MCFD2: variants seen among roughly 807,000 people sequenced by gnomAD.
MCFD2 encodes multiple coagulation factor deficiency 2, ER cargo receptor complex subunit.
MCFD2 carries 11 observed loss-of-function variants against 12.8 expected under a neutral mutation model. That is an observed-to-expected ratio of 0.86 (90% CI 0.54 to 1.42). MCFD2 has a LOEUF of 1.42. MCFD2 is among the 40% of genes most tolerant of loss of function. MCFD2 has a pLI of 0.00. For missense variants in MCFD2, 191 were observed against 178.6 expected (o/e 1.07, Z -0.40); for synonymous variants, 70 against 68.1 (o/e 1.03, Z -0.14).
At chr2:46,926,458 G>T (rs570677261) in intron 1 of MCFD2, among the ~76,000 whole-genome samples, 84 of 152,282 alleles carry the variant, frequency 5.5e-4, no homozygotes, top group African/African-American at 1.9e-3. Context: ...TTAAGCCTAT[G>T]GTGAGGATAG....
rs774183668 is a variant in MCFD2 at position 46,905,546 on chromosome 2, T to G, written c.358A>C (p.Ile120Leu). 3 of 1,613,384 alleles carry G rather than the reference T, an allele frequency of 1.9e-6. No homozygotes were observed. Among genetic ancestry groups the G allele is most frequent in the African/African-American group, 2.7e-5 (2 of 74,904 alleles). ...TCATCTCTCAAAACACCATCTATTATGTTAATCAGTTCATCTTCACTCATT... is the reference window on the plus strand; with the variant it reads ...TCATCTCTCAAAACACCATCTATTAGGTTAATCAGTTCATCTTCACTCATT... ...PLMSEDELIN[I>L]IDGVLRDDDK... is the part of the protein sequence containing the mutation. The change falls in exon 4 of 4, where the codon ATA becomes CTA. Residue 120 changes from isoleucine to leucine, a missense_variant. Coordinates refer to ENST00000319466, the MANE Select transcript of MCFD2 (RefSeq NM_139279.6).
In MCFD2 at chr2:46,940,216, T is replaced by C. The variant is rs1180646662; in HGVS notation, c.-8+1356A>G. 6.6e-6 allele frequency among the ~76,000 whole-genome samples: 1 copy of C among 152,126 alleles called. No homozygotes were observed. Among genetic ancestry groups the C allele is most frequent in the Non-Finnish European group, 1.5e-5 (1 of 68,008 alleles). ...AAACACTTAGGGCAGTGGTGAAGAC[T>C]CCAGAGGGAGGACGTGGAGCACCTT... On this transcript the variant is annotated intron_variant, in intron 1 of 2. Transcript: ENST00000409147. The surrounding 1 kb of genome is among the most constrained non-coding windows in gnomAD (Gnocchi z 4.7).
At chr2:46,917,098 T>G, upstream of MCFD2, 2 of 688,152 alleles carry the variant, frequency 2.9e-6, no homozygotes, top group Non-Finnish European at 5.3e-6. Context: ...CTCATTCCTT[T>G]TCCCACCTTC....
intron 1 of MCFD2, among the ~76,000 whole-genome samples, chr2:46,922,921 C>G (rs2103809591): frequency 6.6e-6 from 1 of 152,318 alleles, no homozygotes; most frequent in African/African-American, 2.4e-5. Context: ...TCCAAGGCCC[C>G]TAAAACATCT....
chr2:46,919,132 G>T (rs149868021), upstream of MCFD2, among the ~76,000 whole-genome samples: 814 of 152,350 alleles, frequency 5.3e-3, 6 homozygotes, highest in African/African-American at 0.018. Context: ...GAGAATAGGG[G>T]TGAAAATAAG....
chr2:46,910,443 T>C (rs955508965), intron 1 of MCFD2, among the ~76,000 whole-genome samples: 3 of 152,154 alleles, frequency 2.0e-5, no homozygotes, highest in Non-Finnish European at 2.9e-5. Flanking sequence ...AACAGGTCAA[T>C]TGTAGTCCAC....
At chr2:46,927,121 T>A (rs1669424971) in intron 1 of MCFD2, among the ~76,000 whole-genome samples, 1 of 151,960 alleles carries the variant, frequency 6.6e-6, no homozygotes, top group Non-Finnish European at 1.5e-5. Flanking sequence ...TTCAGTGAGG[T>A]CTTACTTGTA....
intron 1 of MCFD2, among the ~76,000 whole-genome samples, chr2:46,922,080 G>C (rs1669134110): frequency 6.6e-6 from 1 of 152,196 alleles, no homozygotes; most frequent in Admixed American, 6.5e-5. Flanking sequence ...AAGCTGATTA[G>C]CTGGCATCCA....
Position 46,940,630 on chromosome 2 carries a change from C to T in MCFD2, c.-8+942G>A, listed in dbSNP as rs1310264692. ...AAGAAATCCAGGGCAACAGAGATTC[C>T]ACAGAGGACAGGTCAACGGGTTAGG... On this transcript the variant is annotated intron_variant, in intron 1 of 2. Coordinates refer to the MCFD2 transcript ENST00000409147. The surrounding 1 kb of genome is among the most constrained non-coding windows in gnomAD (Gnocchi z 4.7). 2.0e-5 allele frequency among the ~76,000 whole-genome samples: 3 copies of T among 152,210 alleles called. No individual in the cohort carries two copies. Among genetic ancestry groups the T allele is most frequent in the Non-Finnish European group, 4.4e-5 (3 of 68,048 alleles).
At position 46,903,930 on chromosome 2, in the gene MCFD2, G is replaced by A. The variant is rs977816663; in HGVS notation, c.*1533C>T. ...CCTAATGTTAATCCCCAACACCATG[G>A]GGAAAATGTCTCCAGGCCATGTCAG... On this transcript the variant is annotated 3_prime_UTR_variant, in exon 4 of 4. Transcript: ENST00000319466. 6 of 152,136 alleles carry A rather than the reference G, an allele frequency of 3.9e-5. No homozygotes were observed. Among genetic ancestry groups the A allele is most frequent in the Admixed American group, 6.6e-5 (1 of 15,266 alleles). The allele number at this position is 152,136 out of a possible 1,614,324, so 9.4% of individuals were successfully genotyped here.
chr2:46,922,194 C>T (rs1669140519), intron 1 of MCFD2, among the ~76,000 whole-genome samples: 1 of 152,002 alleles, frequency 6.6e-6, no homozygotes, highest in Admixed American at 6.5e-5. Flanking sequence ...AGATTTTAAC[C>T]GTGGAGTATT....
At chr2:46,921,223 A>G (rs1669086396) in intron 1 of MCFD2, among the ~76,000 whole-genome samples, 1 of 152,246 alleles carries the variant, frequency 6.6e-6, no homozygotes, top group African/African-American at 2.4e-5. Context: ...AAGAAAAAGT[A>G]AAAGTATCTT....
intron 1 of MCFD2, among the ~76,000 whole-genome samples, chr2:46,934,918 A>G (rs1165901866): frequency 2.0e-5 from 3 of 146,558 alleles, no homozygotes; most frequent in Non-Finnish European, 4.4e-5. Context: ...CTCTTGCCTC[A>G]GCCTCCTGAG....
chr2:46,905,075 C>G lies in MCFD2; in HGVS notation c.*388G>C, dbSNP rs1002437272. 3.3e-5 allele frequency: 11 copies of G among 329,694 alleles called. No homozygotes were observed. Among genetic ancestry groups the G allele is most frequent in the African/African-American group, 2.4e-4 (11 of 46,188 alleles). The allele number at this position is 329,694 out of a possible 1,614,324, so 20.4% of individuals were successfully genotyped here. A position where few individuals can be genotyped will look rare whatever the true frequency, so the allele number is the denominator to read the frequency against. On this transcript the variant is annotated 3_prime_UTR_variant, in exon 4 of 4. Coordinates refer to ENST00000319466, the MANE Select transcript of MCFD2 (RefSeq NM_139279.6). ...CACTTTTGCTTCTTCCTCATTTTCTCTTGCTGCCATGTAAGAAGTGCCTTT... is the reference window on the plus strand; with the variant it reads ...CACTTTTGCTTCTTCCTCATTTTCTGTTGCTGCCATGTAAGAAGTGCCTTT...
chr2:46,939,444 A>T (rs1313459140), intron 1 of MCFD2, among the ~76,000 whole-genome samples: 3 of 152,294 alleles, frequency 2.0e-5, no homozygotes, highest in African/African-American at 4.8e-5. Context: ...GGAAGAGCTC[A>T]TTAAAAATGT....
intron 1 of MCFD2, among the ~76,000 whole-genome samples, chr2:46,936,810 C>CT (rs1203244194): frequency 9.2e-5 from 14 of 151,438 alleles, no homozygotes; most frequent in South Asian, 6.3e-4. Context: ...CAGTGGTCTT[C>CT]TTTTTTTTCA....
At chr2:46,932,134 A>G (rs1326915387) in intron 1 of MCFD2, among the ~76,000 whole-genome samples, 3 of 151,988 alleles carry the variant, frequency 2.0e-5, no homozygotes, top group Non-Finnish European at 2.9e-5. Context: ...TCAGAAAGCA[A>G]TGTAGGGCTT....
chr2:46,919,527 C>T (rs983000835), upstream of MCFD2, among the ~76,000 whole-genome samples: 1 of 152,246 alleles, frequency 6.6e-6, no homozygotes, highest in Non-Finnish European at 1.5e-5. Flanking sequence ...GAGCTAAACT[C>T]TGTCTCTAAA....
chr2:46,906,373 C>T (rs1186342090), intron 3 of MCFD2, among the ~76,000 whole-genome samples: 1 of 152,062 alleles, frequency 6.6e-6, no homozygotes, highest in Non-Finnish European at 1.5e-5. Context: ...GCACTCCTAG[C>T]AGCGAATGTA....
Sources: gnomAD v4.1 joint callset for allele counts (sites outside exome capture counted in the v4.1 genomes callset) on GRCh38, gnomAD v4.1.1 for gene constraint, Gnocchi (gnomAD v3.1) non-coding constraint, MANE v1.5 for transcripts, NCBI Gene and HGNC (gene_info 2026-07-23, HGNC 2026-07-21) for gene names.